Variants in PDE4D observed in about 807,000 individuals in gnomAD.
PDE4D encodes phosphodiesterase 4D.
Under a neutral mutation model 87.4 loss-of-function variants are expected in PDE4D, and 24 were observed. The ratio of observed to expected loss-of-function variants is 0.27; its 90% CI spans 0.20 to 0.39. PDE4D has a LOEUF of 0.39. Among genes scored for constraint, PDE4D ranks in the 10% least tolerant of loss-of-function variants. The probability of loss-of-function intolerance (pLI) is 1.00; values close to 1 mark genes in which losing one functional copy is unlikely to be tolerated. For missense variants in PDE4D, 714 were observed against 1,041.0 expected (o/e 0.69, Z 4.32); for synonymous variants, 384 against 383.2 (o/e 1.00, Z -0.02).
At chr5:59,170,489 C>G (rs1782587798) in intron 5 of PDE4D, among the ~76,000 whole-genome samples, 1 of 152,154 alleles carries the variant, frequency 6.6e-6, no homozygotes, top group Non-Finnish European at 1.5e-5. Flanking sequence ...CACCAGTGCC[C>G]TTTCTAGGCA....
intron 1 of PDE4D, among the ~76,000 whole-genome samples, chr5:59,848,672 A>G (rs1033644752): frequency 6.6e-6 from 1 of 152,058 alleles, no homozygotes; most frequent in African/African-American, 2.4e-5. Context: ...CATCAAAACT[A>G]CAATGAGACA....
At chr5:59,212,596 A>C (rs1417905260) in intron 2 of PDE4D, among the ~76,000 whole-genome samples, 1 of 152,102 alleles carries the variant, frequency 6.6e-6, no homozygotes, top group Non-Finnish European at 1.5e-5. Context: ...AAATGCTATA[A>C]GCTTTTCATA....
chr5:59,555,423 A>G (rs908847015), intron 1 of PDE4D, among the ~76,000 whole-genome samples: 3 of 152,124 alleles, frequency 2.0e-5, no homozygotes, highest in Admixed American at 2.0e-4. Flanking sequence ...TGATGAAATA[A>G]TCTGTACAAC....
At chr5:60,069,593 G>C (rs1046181120) in intron 2 of PDE4D, among the ~76,000 whole-genome samples, 1 of 151,410 alleles carries the variant, frequency 6.6e-6, no homozygotes, top group African/African-American at 2.4e-5. Context: ...CTGTGGTTTT[G>C]CAACATATCT....
intron 1 of PDE4D, among the ~76,000 whole-genome samples, chr5:59,621,488 G>A (rs943762520): frequency 2.0e-5 from 3 of 152,174 alleles, no homozygotes; most frequent in African/African-American, 7.2e-5. Flanking sequence ...AAGCAAACCT[G>A]CTAGGCCCCT....
chr5:59,185,480 C>A (rs1315233503), intron 3 of PDE4D, among the ~76,000 whole-genome samples: 1 of 152,158 alleles, frequency 6.6e-6, no homozygotes, highest in Non-Finnish European at 1.5e-5. Flanking sequence ...ATTGTCTATG[C>A]ACATGGTGAC....
intron 3 of PDE4D, among the ~76,000 whole-genome samples, chr5:59,978,193 A>C (rs1469198176): frequency 6.6e-6 from 1 of 152,194 alleles, no homozygotes; most frequent in Non-Finnish European, 1.5e-5. Context: ...AATACATTTC[A>C]TAGGGCTATC....
chr5:60,248,690 C>T (rs1748074926), intron 1 of PDE4D, among the ~76,000 whole-genome samples: 1 of 151,988 alleles, frequency 6.6e-6, no homozygotes, highest in African/African-American at 2.4e-5. Flanking sequence ...TTATCAATTT[C>T]TTATTCCCAA....
Position 59,639,662 on chromosome 5 carries a change from C to T in PDE4D, c.455+253506G>A, listed in dbSNP as rs929415834. On this transcript the variant is annotated intron_variant, in intron 1 of 14. Coordinates refer to ENST00000340635, the MANE Select transcript of PDE4D (RefSeq NM_001104631.2). ...TGTTGAGTCTGAGGTGCCTTCAAGG[C>T]ATCCTAGTAGAAATGGTCAATGGGC... Among the ~76,000 whole-genome samples the T allele has an allele frequency of 3.9e-5, 6 of 152,198 alleles. No individual in the cohort carries two copies. In the East Asian group the frequency reaches 7.7e-4, roughly 20 times the overall value.
intron 1 of PDE4D, among the ~76,000 whole-genome samples, chr5:59,405,862 G>T (rs1271127921): frequency 3.3e-5 from 5 of 152,120 alleles, no homozygotes; most frequent in African/African-American, 7.2e-5. Flanking sequence ...AACCATCCTT[G>T]CTTCCTTGGG....
intron 1 of PDE4D, among the ~76,000 whole-genome samples, chr5:60,485,547 C>T (rs1182830497): frequency 2.6e-5 from 4 of 152,206 alleles, no homozygotes; most frequent in African/African-American, 9.7e-5. Flanking sequence ...TGATGTGATA[C>T]ATTCCTTTTT....
intron 5 of PDE4D, among the ~76,000 whole-genome samples, chr5:59,066,946 T>G (rs1353422378): frequency 6.6e-6 from 1 of 152,062 alleles, no homozygotes; most frequent in Non-Finnish European, 1.5e-5. Context: ...TCCAGAACTG[T>G]GAGAAATAAA....
chr5:59,494,685 C>T (rs904984082), intron 1 of PDE4D, among the ~76,000 whole-genome samples: 3 of 152,104 alleles, frequency 2.0e-5, no homozygotes, highest in African/African-American at 7.2e-5. Flanking sequence ...TTAACTATCC[C>T]TAATCTTTCT....
chr5:58,976,878 A>G (rs1473342251), intron 12 of PDE4D, among the ~76,000 whole-genome samples: 1 of 152,200 alleles, frequency 6.6e-6, no homozygotes, highest in African/African-American at 2.4e-5. Flanking sequence ...AAGGTGGGGA[A>G]AAAATCCATT....
chr5:60,496,729 G>C (rs1423632252), intron 1 of PDE4D, among the ~76,000 whole-genome samples: 1 of 152,170 alleles, frequency 6.6e-6, no homozygotes, highest in African/African-American at 2.4e-5. Flanking sequence ...GGTTAAATAA[G>C]TTTCCCTAAG....
At chr5:59,939,766 G>C (rs932908921) in intron 3 of PDE4D, among the ~76,000 whole-genome samples, 3 of 152,268 alleles carry the variant, frequency 2.0e-5, no homozygotes, top group African/African-American at 2.4e-5. Flanking sequence ...GTACCTAACT[G>C]TAGAGGACCT....
chr5:60,023,662 G>T (rs1427385221), intron 2 of PDE4D, among the ~76,000 whole-genome samples: 2 of 151,900 alleles, frequency 1.3e-5, no homozygotes, highest in African/African-American at 4.8e-5. Flanking sequence ...ATTCTTTTTT[G>T]TGTCACTGCT....
chr5:59,831,287 GAGGCC>G (rs959856212), intron 1 of PDE4D, among the ~76,000 whole-genome samples: 4 of 141,636 alleles, frequency 2.8e-5, no homozygotes, highest in African/African-American at 1.0e-4. Context: ...TGGTCAAGAT[GAGGCC>G]AGACTTGCTG....
At chr5:59,680,787 T>C (rs1360022687) in intron 1 of PDE4D, among the ~76,000 whole-genome samples, 1 of 152,046 alleles carries the variant, frequency 6.6e-6, no homozygotes, top group East Asian at 1.9e-4. Flanking sequence ...ATATAATATA[T>C]TGTGAATAAT....
Sources: allele counts gnomAD v4.1 joint callset (sites outside exome capture counted in the v4.1 genomes callset), GRCh38; gene constraint gnomAD v4.1.1; transcripts MANE v1.5; gene names NCBI Gene and HGNC (gene_info 2026-07-23, HGNC 2026-07-21).